OR14A2: variants seen among roughly 807,000 people sequenced by gnomAD.
OR14A2 encodes olfactory receptor 14A2.
For missense variants in OR14A2, 237 were observed against 152.9 expected (o/e 1.55, Z -2.90); for synonymous variants, 114 against 58.6 (o/e 1.95, Z -4.32).
At chr1:247,724,497 A>G (rs993306029), upstream of OR14A2, among the ~76,000 whole-genome samples, 1 of 152,166 alleles carries the variant, frequency 6.6e-6, no homozygotes, top group Non-Finnish European at 1.5e-5. Flanking sequence ...CAAAATATCA[A>G]TTATCATGTG....
chr1:247,725,577 T>A (rs1572471406), upstream of OR14A2, among the ~76,000 whole-genome samples: 1 of 149,254 alleles, frequency 6.7e-6, no homozygotes, highest in Non-Finnish European at 1.5e-5. Context: ...CATGTGCACA[T>A]TGTGCAGGTT....
the OR14A2 span, among the ~76,000 whole-genome samples, chr1:247,734,085 C>T: frequency 6.6e-6 from 1 of 152,144 alleles, no homozygotes; most frequent in African/African-American, 2.4e-5. Flanking sequence ...GAAGTTCTAA[C>T]CTCCAAGACC....
chr1:247,742,525 G>A, the OR14A2 span, among the ~76,000 whole-genome samples: 1 of 152,138 alleles, frequency 6.6e-6, no homozygotes, highest in African/African-American at 2.4e-5. Flanking sequence ...AATGTAATCT[G>A]ACATCACAAG....
the OR14A2 span, among the ~76,000 whole-genome samples, chr1:247,745,818 C>T: frequency 7.2e-5 from 11 of 152,068 alleles, no homozygotes; most frequent in South Asian, 2.1e-4. Flanking sequence ...TTTCTCCTCT[C>T]GTAATGTTAA....
chr1:247,724,170 GA>G (rs934700672), upstream of OR14A2: 12 of 552,024 alleles, frequency 2.2e-5, no homozygotes, highest in Non-Finnish European at 3.8e-5. Flanking sequence ...ATATTCAGTG[GA>G]AAGGAGTCAT....
chr1:247,738,536 G>A, the OR14A2 span: 1 of 665,968 alleles, frequency 1.5e-6, no homozygotes, highest in South Asian at 1.8e-5. Context: ...TTCAACAAAT[G>A]AAGAAACAAA....
At position 247,723,752 on chromosome 1, in the gene OR14A2, G is replaced by A; in HGVS notation, c.292C>T (p.Gln98Ter). 1 of 718,232 alleles carries A rather than the reference G, an allele frequency of 1.4e-6. No homozygotes were observed. Among genetic ancestry groups the A allele is most frequent in the Admixed American group, 2.0e-5 (1 of 49,954 alleles). The allele number at this position is 718,232 out of a possible 1,614,324, so 44.5% of individuals were successfully genotyped here. A position where few individuals can be genotyped will look rare whatever the true frequency, so the allele number is the denominator to read the frequency against. The change falls in exon 1 of 1, where the codon CAG (glutamine) becomes TAG (stop). Residue 98 changes from glutamine (Q) to a stop codon, truncating the protein, a stop_gained. Transcript: ENST00000366485. LOFTEE classifies it low-confidence loss of function (END_TRUNC). ...GAGAAGGAAGTCATTAAAAGTAGCT[G>A]GAAGGCACATCCTAGAATGGAAATG...
the OR14A2 span, among the ~76,000 whole-genome samples, chr1:247,734,743 C>T: frequency 2.0e-5 from 3 of 151,982 alleles, no homozygotes; most frequent in Admixed American, 6.6e-5. Flanking sequence ...ATGTCTCTTA[C>T]GAAATGTCAT....
the OR14A2 span, among the ~76,000 whole-genome samples, chr1:247,737,225 C>T: frequency 6.6e-6 from 1 of 152,098 alleles, no homozygotes; most frequent in African/African-American, 2.4e-5. Context: ...CTTGCTCATC[C>T]TCTCGGCTGT....
the OR14A2 span, among the ~76,000 whole-genome samples, chr1:247,744,827 C>T: frequency 6.6e-6 from 1 of 152,032 alleles, no homozygotes; most frequent in Non-Finnish European, 1.5e-5. The surrounding 1 kb of genome is among the most constrained non-coding windows in gnomAD (Gnocchi z 4.3). Context: ...AGGAGTGCTT[C>T]AGAAAACAAA....
At chr1:247,747,230 T>C in the OR14A2 span, among the ~76,000 whole-genome samples, 1 of 152,174 alleles carries the variant, frequency 6.6e-6, no homozygotes, top group Non-Finnish European at 1.5e-5. Flanking sequence ...CAAATACCAC[T>C]TCCACTCCAA....
At chr1:247,727,744 AC>A (rs1660411931), upstream of OR14A2, among the ~76,000 whole-genome samples, 1 of 148,908 alleles carries the variant, frequency 6.7e-6, no homozygotes, top group Non-Finnish European at 1.5e-5. Context: ...AGGGGATATC[AC>A]CACCGATCCC....
At chr1:247,739,817 A>T in the OR14A2 span, among the ~76,000 whole-genome samples, 1 of 151,928 alleles carries the variant, frequency 6.6e-6, no homozygotes, top group South Asian at 2.1e-4. Flanking sequence ...TCAAGCAATT[A>T]TCATGTCTCG....
At chr1:247,727,556 A>G (rs1660406541), upstream of OR14A2, among the ~76,000 whole-genome samples, 2 of 151,020 alleles carry the variant, frequency 1.3e-5, no homozygotes, top group Non-Finnish European at 2.9e-5. Context: ...AGCAGAAGGT[A>G]AGAAATAACT....
the OR14A2 span, among the ~76,000 whole-genome samples, chr1:247,737,800 C>T: frequency 1.3e-5 from 2 of 152,144 alleles, no homozygotes; most frequent in African/African-American, 2.4e-5. Flanking sequence ...AGATGACAAT[C>T]TCTGAATGTC....
chr1:247,732,699 G>T, the OR14A2 span, among the ~76,000 whole-genome samples: 4 of 152,168 alleles, frequency 2.6e-5, no homozygotes, highest in African/African-American at 9.7e-5. Context: ...AAGAAACTAA[G>T]TAGTCCTTCA....
upstream of OR14A2, among the ~76,000 whole-genome samples, chr1:247,725,170 G>T (rs530189337): frequency 4.6e-5 from 7 of 152,142 alleles, no homozygotes; most frequent in East Asian, 1.3e-3. Context: ...CAGATGAAAG[G>T]GCTTTCTATG....
At chr1:247,731,121 T>A in the OR14A2 span, among the ~76,000 whole-genome samples, 1 of 152,146 alleles carries the variant, frequency 6.6e-6, no homozygotes, top group East Asian at 1.9e-4. Context: ...AGATCTTACT[T>A]CAGTGTTTCT....
the OR14A2 span, chr1:247,746,229 G>A: frequency 1.3e-5 from 2 of 152,166 alleles, no homozygotes; most frequent in Admixed American, 1.3e-4. Flanking sequence ...CTACTTTGAA[G>A]CTCAGAAGAG....
Sources: allele counts gnomAD v4.1 joint callset (sites outside exome capture counted in the v4.1 genomes callset), GRCh38; gene constraint gnomAD v4.1.1; non-coding constraint Gnocchi (gnomAD v3.1); transcripts MANE v1.5; gene names NCBI Gene and HGNC (gene_info 2026-07-23, HGNC 2026-07-21).